The following ATP8B4 variants were observed in gnomAD, a reference collection of about 807,000 sequenced individuals.
The protein encoded by ATP8B4 is ATPase phospholipid transporting 8B4 (putative).
ATP8B4 carries 133 observed loss-of-function variants against 145.6 expected under a neutral mutation model. The observed-to-expected ratio is 0.91, with a 90% CI of 0.79 to 1.05. The LOEUF (loss-of-function observed/expected upper bound fraction) is 1.05, where lower values mean the gene tolerates loss of function less well. ATP8B4 is among the 50% of genes least tolerant of loss of function. ATP8B4 has a pLI of 0.00. For synonymous variants in ATP8B4, 507 were observed against 492.9 expected, an observed-to-expected ratio of 1.03 and a Z score of -0.38; for missense variants, 1,458 against 1,425.2, an observed-to-expected ratio of 1.02 and a Z score of -0.37.
intron 16 of ATP8B4, among the ~76,000 whole-genome samples, chr15:49,925,770 G>A (rs1404979751): frequency 2.0e-5 from 3 of 152,040 alleles, no homozygotes; most frequent in Non-Finnish European, 4.4e-5. Flanking sequence ...ATGGAATCCT[G>A]CTTATGTTTA....
At chr15:50,085,932 TATATTTATATATG>T (rs1451269066) in intron 2 of ATP8B4, among the ~76,000 whole-genome samples, 709 of 45,436 alleles carry the variant, frequency 0.016, 118 homozygotes, top group African/African-American at 0.051. Flanking sequence ...ATATATCATA[TATATTTATATATG>T]ATATATATCA....
chr15:50,115,754 G>C (rs1595611548), intron 1 of ATP8B4, among the ~76,000 whole-genome samples: 1 of 152,214 alleles, frequency 6.6e-6, no homozygotes, highest in South Asian at 2.1e-4. Context: ...ACTTGGCCTT[G>C]TGCTAAGAAC....
intron 3 of ATP8B4, among the ~76,000 whole-genome samples, chr15:50,051,787 T>C (rs6493395): frequency 0.92 from 139,335 of 152,266 alleles, 63,918 homozygotes; most frequent in East Asian, 1. Context: ...TGTCTATAAC[T>C]GTCAAAACCA....
intron 7 of ATP8B4, among the ~76,000 whole-genome samples, chr15:50,005,766 C>G (rs1373473163): frequency 1.3e-5 from 2 of 152,136 alleles, no homozygotes; most frequent in African/African-American, 4.8e-5. Context: ...AACACAACTA[C>G]GAAAAACAGA....
At position 50,047,414 on chromosome 15, in the gene ATP8B4, A is replaced by G. The variant is rs1303484539; in HGVS notation, c.138T>C (p.Ile46=). 1.9e-6 allele frequency: 3 copies of G among 1,600,608 alleles called. No homozygotes were observed. In the East Asian group the frequency reaches 6.7e-5, roughly 36 times the overall value. Residue 46 remains isoleucine, a synonymous_variant, in exon 4 of 28, where the codon ATT becomes ATC. Transcript: ENST00000284509. The stretch of plus-strand genomic sequence containing the variant: ...CTCTTTGGAACTGTTCAAATAAATT[A>G]ATTGGCAAGAAGGTGAGAATATTAT... ...SKYNILTFLP[I]NLFEQFQRVA...
At chr15:49,867,426 G>T (rs935552149) in intron 25 of ATP8B4, among the ~76,000 whole-genome samples, 2 of 152,174 alleles carry the variant, frequency 1.3e-5, no homozygotes, top group Non-Finnish European at 2.9e-5. Context: ...GGCAGCCTTT[G>T]ATGTGAACTA....
chr15:50,091,400 T>A (rs925763922), intron 2 of ATP8B4, among the ~76,000 whole-genome samples: 7 of 152,206 alleles, frequency 4.6e-5, no homozygotes, highest in African/African-American at 1.7e-4. Context: ...ATTCTATGGA[T>A]GAAAATTTTT....
At chr15:50,171,869 A>G (rs1199941758) in intron 1 of ATP8B4, among the ~76,000 whole-genome samples, 1 of 152,214 alleles carries the variant, frequency 6.6e-6, no homozygotes, top group Admixed American at 6.5e-5. Context: ...CCTCACTAAG[A>G]AGCAAAACAG....
chr15:50,160,837 G>T (rs2044507635), intron 1 of ATP8B4, among the ~76,000 whole-genome samples: 1 of 151,936 alleles, frequency 6.6e-6, no homozygotes, highest in Admixed American at 6.5e-5. Flanking sequence ...GAGAAGGACT[G>T]TATATTCTGT....
intron 12 of ATP8B4, among the ~76,000 whole-genome samples, chr15:49,978,913 T>C (rs1452952513): frequency 6.6e-6 from 1 of 152,080 alleles, no homozygotes; most frequent in Non-Finnish European, 1.5e-5. Context: ...GGACCGAATC[T>C]AATCCTGACA....
Position 50,002,293 on chromosome 15 carries a change from C to A in ATP8B4, c.436-70G>T. On this transcript the variant is annotated intron_variant, in intron 7 of 27. Transcript: ENST00000284509. ...TGGTTGAAAGTCTTCTACAGTATAT[C>A]ACCTCTTGACTACTAAAGAGGCAAC... 3 of 1,238,814 alleles carry A rather than the reference C, an allele frequency of 2.4e-6. No homozygotes were observed. In the South Asian group the frequency reaches 4.0e-5, roughly 16 times the overall value. The allele number at this position is 1,238,814 out of a possible 1,614,324, so 76.7% of individuals were successfully genotyped here. A position where few individuals can be genotyped will look rare whatever the true frequency, so the allele number is the denominator to read the frequency against.
At chr15:49,898,908 A>T (rs1212392022) in intron 21 of ATP8B4, among the ~76,000 whole-genome samples, 2 of 152,192 alleles carry the variant, frequency 1.3e-5, no homozygotes, top group Admixed American at 6.5e-5. Context: ...AGAAATCACT[A>T]AAAAAGATAG....
chr15:49,977,729 G>A (rs1032226070), intron 12 of ATP8B4, among the ~76,000 whole-genome samples: 5 of 152,062 alleles, frequency 3.3e-5, no homozygotes, highest in African/African-American at 1.2e-4. Flanking sequence ...TTATAAGAAA[G>A]AATGCATAAG....
At chr15:50,094,860 C>T (rs1233253265) in intron 2 of ATP8B4, among the ~76,000 whole-genome samples, 1 of 151,882 alleles carries the variant, frequency 6.6e-6, no homozygotes, top group African/African-American at 2.4e-5. Flanking sequence ...TCACTGCGAG[C>T]TCAGTGAGCC....
rs182869923 is a variant in ATP8B4 at position 50,032,392 on chromosome 15, C to T, written c.362+6376G>A. Among the ~76,000 whole-genome samples, 344 of 152,260 alleles carry T rather than the reference C, an allele frequency of 2.3e-3. 4 individuals are homozygous for T. The Middle Eastern group carries it at 0.048, about 21-fold the overall frequency. ...TTCTTTTTTATGGCTGCATAGTATT[C>T]CATGGTGTATATGTGCCATATTTTC... is the stretch of plus-strand genomic sequence containing the variant. On this transcript the variant is annotated intron_variant, in intron 6 of 27. Transcript: ENST00000284509.
rs145991147 is a variant in ATP8B4 at position 50,041,896 on chromosome 15, C to T, written c.300+2698G>A. Among the ~76,000 whole-genome samples the T allele has an allele frequency of 4.0e-5, 6 of 151,306 alleles. No individual in the cohort carries two copies. In the East Asian group the frequency reaches 9.8e-4, roughly 25 times the overall value. On this transcript the variant is annotated intron_variant, in intron 5 of 27. Coordinates refer to ENST00000284509, the MANE Select transcript of ATP8B4 (RefSeq NM_024837.4). ...CGGAGGTTGCAGTGAGCCAAGATTG[C>T]GCCACTGCACTCCAGCTTGGGTGAC... is the stretch of plus-strand genomic sequence containing the variant.
intron 23 of ATP8B4, 46 bp downstream of exon 23, chr15:49,897,246 A>C (rs759448234): frequency 9.3e-6 from 14 of 1,509,102 alleles, no homozygotes; most frequent in Non-Finnish European, 1.2e-5. Context: ...AATATCATAC[A>C]AAAACAAACA....
chr15:49,892,112 TA>T (rs564509918), intron 23 of ATP8B4, among the ~76,000 whole-genome samples: 3,871 of 115,412 alleles, frequency 0.034, 41 homozygotes, highest in African/African-American at 0.039. Flanking sequence ...AAGACTCACC[TA>T]AAAAAAAAAA....
At chr15:50,041,935 G>A (rs543152268) in intron 5 of ATP8B4, among the ~76,000 whole-genome samples, 16 of 151,790 alleles carry the variant, frequency 1.1e-4, no homozygotes, top group South Asian at 4.2e-4. Context: ...GCAAAACTCC[G>A]TCTCAAAACA....
Sources: allele counts gnomAD v4.1 joint callset (sites outside exome capture counted in the v4.1 genomes callset), GRCh38; gene constraint gnomAD v4.1.1; transcripts MANE v1.5; gene names NCBI Gene and HGNC (gene_info 2026-07-23, HGNC 2026-07-21).